The following POLR2D variants were observed in gnomAD, a reference collection of about 807,000 sequenced individuals.
POLR2D encodes the protein RNA polymerase II subunit D, also known as DNA-directed RNA polymerase II subunit RPB4.
Under a neutral mutation model 17.6 loss-of-function variants are expected in POLR2D, and 10 were observed. The observed-to-expected ratio is 0.57, with a 90% CI of 0.35 to 0.96. The LOEUF (loss-of-function observed/expected upper bound fraction) is 0.96, where lower values mean the gene tolerates loss of function less well. Ranked by LOEUF, POLR2D falls within the 40% of genes least tolerant of loss-of-function variation. The pLI is 0.02. For missense variants in POLR2D, 126 were observed against 176.4 expected (o/e 0.71, Z 1.62); for synonymous variants, 52 against 60.2 (o/e 0.86, Z 0.63).
chr2:127,855,415 A>AG (rs1001956660), intron 1 of POLR2D, among the ~76,000 whole-genome samples: 2 of 151,700 alleles, frequency 1.3e-5, no homozygotes, highest in African/African-American at 4.8e-5. Context: ...AAAAAAAAAA[A>AG]AAAGAGAGAT....
At position 127,850,695 on chromosome 2, in the gene POLR2D, A is replaced by T; in HGVS notation, c.255-10T>A. 1 of 1,319,356 alleles carries T rather than the reference A, an allele frequency of 7.6e-7. No individual in the cohort carries two copies. Among genetic ancestry groups the T allele is most frequent in the Non-Finnish European group, 1.0e-6 (1 of 961,654 alleles). 81.7% of individuals were successfully genotyped at this position (1,319,356 alleles called of 1,614,324 possible). A position where few individuals can be genotyped will look rare whatever the true frequency, so the allele number is the denominator to read the frequency against. ...TTTCTGGAGTAGCAAGCTAATCAAA[A>T]GGAAAAAAAAAAAATCAAAATAATC... On this transcript the variant is annotated splice_polypyrimidine_tract_variant and intron_variant, in intron 2 of 3. Coordinates refer to ENST00000272645, the MANE Select transcript of POLR2D (RefSeq NM_004805.4).
Position 127,858,105 on chromosome 2 carries a change from G to C in POLR2D, c.-5C>G, listed in dbSNP as rs554950531. ...ATCGCTGCCACCCGCCGCCATCGCC[G>C]CGCCGCGCCGCGCGCCACCACCAGC... On this transcript the variant is annotated 5_prime_UTR_variant, in exon 1 of 4. Coordinates refer to ENST00000272645, the MANE Select transcript of POLR2D (RefSeq NM_004805.4). 19 of 1,477,862 alleles carry C rather than the reference G, an allele frequency of 1.3e-5. No individual in the cohort carries two copies. The African/African-American group carries it at 2.2e-4, about 17-fold the overall frequency. The allele number at this position is 1,477,862 out of a possible 1,614,324, so 91.5% of individuals were successfully genotyped here. A position where few individuals can be genotyped will look rare whatever the true frequency, so the allele number is the denominator to read the frequency against.
intron 1 of POLR2D, chr2:127,857,690 C>T: frequency 1.8e-6 from 1 of 552,236 alleles, no homozygotes; most frequent in Non-Finnish European, 2.4e-6. Flanking sequence ...CTGTACTAAT[C>T]GAAGTTGAGT....
chr2:127,850,440 C>CAAAAAAAAAAAA lies in POLR2D; in HGVS notation c.350+138_350+149dup, dbSNP rs60975701. On this transcript the variant is annotated intron_variant, in intron 3 of 3. Transcript: ENST00000272645. ...GGGCAACAAGAGCGAAACTCCGTCT[C>CAAAAAAAAAAAA]AAAAAAAAAAAAAAAAAAAAAAAAG... is the stretch of plus-strand genomic sequence containing the variant. 2.1e-4 allele frequency: 23 copies of CAAAAAAAAAAAA among 108,466 alleles called. 1 individual carries two copies. The highest frequency in any genetic ancestry group is 1.0e-3 in the African/African-American group (14 of 13,372). 6.7% of individuals were successfully genotyped at this position (108,466 alleles called of 1,614,324 possible). A position where few individuals can be genotyped will look rare whatever the true frequency, so the allele number is the denominator to read the frequency against.
Position 127,846,827 on chromosome 2 carries a change from C to A in POLR2D, c.*1280G>T. The A allele has an allele frequency of 6.4e-6, 1 of 155,042 alleles. No homozygotes were observed. The highest frequency in any genetic ancestry group is 1.9e-4 in the South Asian group (1 of 5,258). 9.6% of individuals were successfully genotyped at this position (155,042 alleles called of 1,614,324 possible). ...TGCCTGCTTCATGAGCTCAATTCCT[C>A]ACCACTGTGCTGTGAATGGCACAAC... On this transcript the variant is annotated 3_prime_UTR_variant, in exon 4 of 4. Transcript: ENST00000272645.
At chr2:127,853,150 A>C in intron 1 of POLR2D, 45 bp from the exon 2 acceptor site, 1 of 1,476,506 alleles carries the variant, frequency 6.8e-7, no homozygotes, top group Non-Finnish European at 9.4e-7. Context: ...ACTCCTTCAA[A>C]AGTTTGCTTC....
intron 1 of POLR2D, among the ~76,000 whole-genome samples, chr2:127,856,702 A>AT (rs1315601341): frequency 2.2e-4 from 33 of 152,262 alleles, no homozygotes; most frequent in African/African-American, 7.5e-4. Flanking sequence ...TCATTTTTAT[A>AT]TTTTTTATTT....
intron 1 of POLR2D, among the ~76,000 whole-genome samples, chr2:127,853,554 C>A (rs1406048834): frequency 1.3e-5 from 2 of 150,620 alleles, no homozygotes; most frequent in Non-Finnish European, 3.0e-5. Context: ...TGATTTCGTT[C>A]TTTTATTTTT....
Position 127,856,700 on chromosome 2 carries a change from A to G in POLR2D, c.73+1328T>C, listed in dbSNP as rs575693836. On this transcript the variant is annotated intron_variant, in intron 1 of 3. Coordinates refer to ENST00000272645, the MANE Select transcript of POLR2D (RefSeq NM_004805.4). The stretch of plus-strand genomic sequence containing the variant: ...ACATAATAAACATTTTTTCATTTTT[A>G]TATTTTTTATTTCTTAGAGGGTAGT... Among the ~76,000 whole-genome samples the G allele has an allele frequency of 1.1e-4, 16 of 152,228 alleles. No homozygotes were observed. In the South Asian group the frequency reaches 3.3e-3, roughly 32 times the overall value.
At chr2:127,855,581 C>T (rs1357639498) in intron 1 of POLR2D, among the ~76,000 whole-genome samples, 1 of 152,152 alleles carries the variant, frequency 6.6e-6, no homozygotes, top group Non-Finnish European at 1.5e-5. Context: ...CAAGGAAGGT[C>T]GAGGCAGCCA....
rs2104729428 is a variant in POLR2D at position 127,858,045 on chromosome 2, T to C, written c.56A>G (p.Gln19Arg). ...RAGDVEEDAS[Q>R]LIFPKEFETA... Reference sequence around the variant, plus strand: ...AGCCCAACCTTTAGGAAAGATGAGCTGTGAGGCGTCCTCCTCTACGTCGCC... The same window carrying C: ...AGCCCAACCTTTAGGAAAGATGAGCCGTGAGGCGTCCTCCTCTACGTCGCC... Residue 19 changes from glutamine (Q) to arginine (R), a missense_variant, in exon 1 of 4, where the codon CAG becomes CGG. By Grantham distance (43) the Gln-to-Arg change is conservative. Around this residue, in one of 2 missense-constraint regions of POLR2D, gnomAD observed 85 missense variants for 151.4 expected, o/e 0.56. Transcript: ENST00000272645. 2.5e-6 allele frequency: 4 copies of C among 1,574,772 alleles called. No homozygotes were observed. Among genetic ancestry groups the C allele is most frequent in the Non-Finnish European group, 2.6e-6 (3 of 1,163,750 alleles).
In POLR2D at chr2:127,843,634, G is replaced by A. The variant is rs1690104652; in HGVS notation, c.*4473C>T. Reference sequence around the variant, plus strand: ...TCCCATCCAGTATGCTATTTTTCATGCCTCAGGTCTAATAAATCTTAATAA... The same window carrying A: ...TCCCATCCAGTATGCTATTTTTCATACCTCAGGTCTAATAAATCTTAATAA... On this transcript the variant is annotated 3_prime_UTR_variant, in exon 4 of 4. Coordinates refer to ENST00000272645, the MANE Select transcript of POLR2D (RefSeq NM_004805.4). 2 of 152,382 alleles carry A rather than the reference G, an allele frequency of 1.3e-5. No homozygotes were observed. The highest frequency in any genetic ancestry group is 4.8e-5 in the African/African-American group (2 of 41,404). The allele number at this position is 152,382 out of a possible 1,614,324, so 9.4% of individuals were successfully genotyped here.
rs116431905 is a variant in POLR2D, at chr2:127,848,252, C to T, written c.351-67G>A. 28 of 964,498 alleles carry T rather than the reference C, an allele frequency of 2.9e-5. No homozygotes were observed. The East Asian group carries it at 3.4e-4, about 12-fold the overall frequency. 59.7% of individuals were successfully genotyped at this position (964,498 alleles called of 1,614,324 possible). On this transcript the variant is annotated intron_variant, in intron 3 of 3. Transcript: ENST00000272645. ...AATTTCCCCGCACTCTTCTTTGAGGCGTGCTAATCTACTGCCCACATCTCT... is the reference window on the plus strand; with the variant it reads ...AATTTCCCCGCACTCTTCTTTGAGGTGTGCTAATCTACTGCCCACATCTCT...
rs188584679 is a variant in POLR2D at position 127,853,480 on chromosome 2, T to G, written c.74-375A>C. Among the ~76,000 whole-genome samples the G allele has an allele frequency of 2.0e-5, 3 of 152,342 alleles. No individual in the cohort carries two copies. In the East Asian group the frequency reaches 5.8e-4, roughly 29 times the overall value. On this transcript the variant is annotated intron_variant, in intron 1 of 3. Transcript: ENST00000272645. Reference sequence around the variant, plus strand: ...ATAAGAATGTGAGGTGCTTGGTCTTTTGTTCCTGTGTTAATTGCTTAAGTG... The same window carrying G: ...ATAAGAATGTGAGGTGCTTGGTCTTGTGTTCCTGTGTTAATTGCTTAAGTG...
intron 1 of POLR2D, 73 bp downstream of exon 1, chr2:127,857,955 A>C (rs1690367025): frequency 2.6e-6 from 4 of 1,539,668 alleles, no homozygotes; most frequent in Middle Eastern, 1.7e-4. Context: ...GCCTTGGGCG[A>C]AGCGCGCATA....
At chr2:127,848,532 T>C (rs1225550534) in intron 3 of POLR2D, among the ~76,000 whole-genome samples, 1 of 152,084 alleles carries the variant, frequency 6.6e-6, no homozygotes, top group Non-Finnish European at 1.5e-5. Context: ...TGTCTCAGCC[T>C]ACCAAACGGA....
chr2:127,854,738 T>A (rs1573520849), intron 1 of POLR2D, among the ~76,000 whole-genome samples: 1 of 152,224 alleles, frequency 6.6e-6, no homozygotes, highest in East Asian at 1.9e-4. Flanking sequence ...AACCAAAAAC[T>A]GTTTTCTACC....
rs528325002 is a variant in POLR2D, at chr2:127,853,542, T to C, written c.74-437A>G. On this transcript the variant is annotated intron_variant, in intron 1 of 3. Coordinates refer to ENST00000272645, the MANE Select transcript of POLR2D (RefSeq NM_004805.4). ...GCTCCATCCATGTTGCTGCAAAAGATATGATTTCGTTCTTTTATTTTTTTT... is the reference window on the plus strand; with the variant it reads ...GCTCCATCCATGTTGCTGCAAAAGACATGATTTCGTTCTTTTATTTTTTTT... Among the ~76,000 whole-genome samples, 82 of 151,944 alleles carry C rather than the reference T, an allele frequency of 5.4e-4. 2 individuals are homozygous for C. Among genetic ancestry groups the C allele is most frequent in the African/African-American group, 1.9e-3 (79 of 41,506 alleles).
At position 127,858,147 on chromosome 2, in the gene POLR2D, G is replaced by T. The variant is rs957108659; in HGVS notation, c.-47C>A. ...ACCACCAGCGCCGCCGGAAGCAGAA[G>T]CGCGGAGCAACGGCCGCGGAAGGGG... is the stretch of plus-strand genomic sequence containing the variant. On this transcript the variant is annotated 5_prime_UTR_variant, in exon 1 of 4. Transcript: ENST00000272645. 2.3e-5 allele frequency: 31 copies of T among 1,373,072 alleles called. No homozygotes were observed. Among genetic ancestry groups the T allele is most frequent in the Admixed American group, 1.8e-4 (5 of 27,888 alleles). The allele number at this position is 1,373,072 out of a possible 1,614,324, so 85.1% of individuals were successfully genotyped here. A position where few individuals can be genotyped will look rare whatever the true frequency, so the allele number is the denominator to read the frequency against.
Sources: gnomAD v4.1 joint callset for allele counts (sites outside exome capture counted in the v4.1 genomes callset) on GRCh38, gnomAD v4.1.1 for gene constraint, gnomAD v4.1.1 regional missense constraint, MANE v1.5 for transcripts, NCBI Gene and HGNC (gene_info 2026-07-23, HGNC 2026-07-21) for gene names.